Variants in CCDC146 observed in about 807,000 individuals in gnomAD.
CCDC146 encodes the protein coiled-coil domain containing 146, also known as coiled-coil domain-containing protein 146.
CCDC146 carries 92 observed loss-of-function variants against 119.3 expected under a neutral mutation model. The observed-to-expected ratio is 0.77, with a 90% confidence interval of 0.65 to 0.92. The LOEUF is 0.92. Among genes scored for constraint, CCDC146 ranks in the 40% least tolerant of loss-of-function variants. The probability of loss-of-function intolerance (pLI) is 0.00; values close to 1 mark genes in which losing one functional copy is unlikely to be tolerated. For synonymous variants in CCDC146, 372 were observed against 371.8 expected (o/e 1.00, Z -0.01); for missense variants, 1,000 against 1,103.0 (o/e 0.91, Z 1.32).
intron 5 of CCDC146, 41 bp from the exon 6 acceptor site, chr7:77,256,292 G>A: frequency 6.9e-7 from 1 of 1,445,590 alleles, no homozygotes; most frequent in Non-Finnish European, 9.3e-7. Context: ...ATAAATGTTT[G>A]CTCAGACTAT....
chr7:77,292,836 G>T (rs1332467141), intron 17 of CCDC146, 116 bp from the exon 18 acceptor site: 2 of 1,041,166 alleles, frequency 1.9e-6, no homozygotes, highest in Admixed American at 4.7e-5. Flanking sequence ...TTCCAAGTTA[G>T]ACCCTCCTTC....
At chr7:77,282,168 C>T (rs1290611981) in intron 14 of CCDC146, 4 of 182,652 alleles carry the variant, frequency 2.2e-5, no homozygotes, top group Non-Finnish European at 2.3e-5. Flanking sequence ...CCCTGGCCCC[C>T]TGCCTGTGTG....
At chr7:77,259,848 C>T (rs1793254556) in intron 7 of CCDC146, 161 bp from the exon 8 acceptor site, 4 of 598,090 alleles carry the variant, frequency 6.7e-6, no homozygotes, top group Non-Finnish European at 8.8e-6. Flanking sequence ...TCTTTACCCA[C>T]TGCTGAGATC....
chr7:77,234,480 A>G (rs768994972), intron 2 of CCDC146, among the ~76,000 whole-genome samples: 1 of 152,246 alleles, frequency 6.6e-6, no homozygotes, highest in African/African-American at 2.4e-5. Flanking sequence ...CACGCCTGTA[A>G]TCCTAACACT....
intron 2 of CCDC146, among the ~76,000 whole-genome samples, chr7:77,226,952 G>A (rs571392117): frequency 5.3e-5 from 8 of 152,234 alleles, no homozygotes; most frequent in South Asian, 4.1e-4. Context: ...GAATGTTGAC[G>A]TCTAGATTAT....
At chr7:77,204,901 T>G (rs1792055946) in intron 2 of CCDC146, among the ~76,000 whole-genome samples, 1 of 152,172 alleles carries the variant, frequency 6.6e-6, no homozygotes, top group African/African-American at 2.4e-5. Flanking sequence ...GGAGGACCAC[T>G]TGAGGCCAGA....
chr7:77,192,497 A>G (rs1013360520), intron 2 of CCDC146, among the ~76,000 whole-genome samples: 2 of 152,236 alleles, frequency 1.3e-5, no homozygotes, highest in African/African-American at 4.8e-5. Context: ...GAAACAGTAT[A>G]CTAAAGGCAA....
At chr7:77,144,797 T>C (rs1790989402) in intron 1 of CCDC146, among the ~76,000 whole-genome samples, 1 of 151,876 alleles carries the variant, frequency 6.6e-6, no homozygotes, top group African/African-American at 2.4e-5. Context: ...AGCTTTTTGA[T>C]GGGCTGCTGG....
At chr7:77,190,607 AG>A (rs887146489) in intron 2 of CCDC146, among the ~76,000 whole-genome samples, 2 of 152,162 alleles carry the variant, frequency 1.3e-5, no homozygotes, top group African/African-American at 2.4e-5. Flanking sequence ...TCAAAAAGCA[AG>A]GGGGGGCCCA....
intron 17 of CCDC146, among the ~76,000 whole-genome samples, chr7:77,288,098 G>A (rs982635930): frequency 4.6e-5 from 7 of 152,150 alleles, no homozygotes; most frequent in African/African-American, 7.2e-5. Flanking sequence ...TTTAATAAGC[G>A]TAAGAGACCA....
intron 1 of CCDC146, among the ~76,000 whole-genome samples, chr7:77,147,318 T>G (rs1013201576): frequency 6.6e-6 from 1 of 152,204 alleles, no homozygotes; most frequent in African/African-American, 2.4e-5. Context: ...CGTCTAATCT[T>G]TTTTCAAGGT....
intron 1 of CCDC146, among the ~76,000 whole-genome samples, chr7:77,143,473 A>T (rs1790967745): frequency 6.7e-6 from 1 of 149,508 alleles, no homozygotes; most frequent in South Asian, 2.1e-4. Context: ...TTGGTGTTTT[A>T]GACATGAAGT....
chr7:77,224,615 G>C (rs1792469969), intron 2 of CCDC146, among the ~76,000 whole-genome samples: 1 of 152,154 alleles, frequency 6.6e-6, no homozygotes, highest in Admixed American at 6.6e-5. Flanking sequence ...ACCTACCACA[G>C]GAATTGTAGT....
At chr7:77,147,097 CT>C (rs1057351298) in intron 1 of CCDC146, among the ~76,000 whole-genome samples, 16 of 152,288 alleles carry the variant, frequency 1.1e-4, no homozygotes, top group African/African-American at 3.6e-4. Context: ...TTCTCGGGTA[CT>C]TTGTTCGTTT....
chr7:77,257,586 T>A (rs559358342), intron 6 of CCDC146, among the ~76,000 whole-genome samples: 63 of 152,304 alleles, frequency 4.1e-4, no homozygotes, highest in Non-Finnish European at 7.8e-4. Flanking sequence ...TGTAATTGTT[T>A]ACTCTTTCTG....
intron 2 of CCDC146, among the ~76,000 whole-genome samples, chr7:77,184,079 C>T: frequency 6.6e-6 from 1 of 152,184 alleles, no homozygotes; most frequent in Admixed American, 6.5e-5. Flanking sequence ...GCCAGCTGAG[C>T]CCCCAAAGGG....
chr7:77,238,974 A>G (rs1792792989), intron 3 of CCDC146, among the ~76,000 whole-genome samples: 2 of 151,082 alleles, frequency 1.3e-5, no homozygotes, highest in South Asian at 4.1e-4. Flanking sequence ...TCCTACTCCC[A>G]ATGCCTGATG....
At chr7:77,203,095 A>G (rs1366116966) in intron 2 of CCDC146, among the ~76,000 whole-genome samples, 4 of 138,840 alleles carry the variant, frequency 2.9e-5, no homozygotes, top group Non-Finnish European at 6.2e-5. Flanking sequence ...GGGAAATGGC[A>G]TTTTAGGTGA....
At chr7:77,285,946 GC>G (rs1371332080) in intron 15 of CCDC146, among the ~76,000 whole-genome samples, 1 of 152,226 alleles carries the variant, frequency 6.6e-6, no homozygotes, top group East Asian at 1.9e-4. Context: ...CCTATTGCCA[GC>G]CAAGTGTTTT....
Sources: allele counts gnomAD v4.1 joint callset (sites outside exome capture counted in the v4.1 genomes callset), GRCh38; gene constraint gnomAD v4.1.1; transcripts MANE v1.5; gene names NCBI Gene and HGNC (gene_info 2026-07-23, HGNC 2026-07-21).